The following ATP2A1 variants were observed in gnomAD, a reference collection of about 807,000 sequenced individuals.
ATP2A1 encodes the protein ATPase sarcoplasmic/endoplasmic reticulum Ca2+ transporting 1.
ATP2A1 carries 83 observed loss-of-function variants against 109.5 expected under a neutral mutation model. That is an observed-to-expected ratio of 0.76 (90% CI 0.63 to 0.91). The LOEUF (loss-of-function observed/expected upper bound fraction) is 0.91, where lower values mean the gene tolerates loss of function less well. ATP2A1 is among the 40% of genes least tolerant of loss of function. The probability of loss-of-function intolerance (pLI) is 0.00; values close to 1 mark genes in which losing one functional copy is unlikely to be tolerated. For missense variants in ATP2A1, 1,101 were observed against 1,341.0 expected, an observed-to-expected ratio of 0.82 and a Z score of 2.80; for synonymous variants, 505 against 537.6, an observed-to-expected ratio of 0.94 and a Z score of 0.84.
At chr16:28,892,748 C>T (rs944871428) in intron 9 of ATP2A1, 3 of 152,372 alleles carry the variant, frequency 2.0e-5, no homozygotes, top group African/African-American at 7.2e-5. Flanking sequence ...TGACTTGGCT[C>T]CTGTCATGTT....
Position 28,879,264 on chromosome 16 carries a change from C to T in ATP2A1, c.136+148C>T, listed in dbSNP as rs984833362. 6 of 1,112,192 alleles carry T rather than the reference C, an allele frequency of 5.4e-6. No individual in the cohort carries two copies. In the Admixed American group the frequency reaches 5.5e-5, roughly 10 times the overall value. 68.9% of individuals were successfully genotyped at this position (1,112,192 alleles called of 1,614,324 possible). A position where few individuals can be genotyped will look rare whatever the true frequency, so the allele number is the denominator to read the frequency against. On this transcript the variant is annotated intron_variant, in intron 2 of 22. Coordinates refer to ENST00000395503, the MANE Select transcript of ATP2A1 (RefSeq NM_004320.6). ...CCTCCCTAAAGGTTAGAGTCCTGTC[C>T]GGGGCAGAAGTCTCCCAGGCGCTTT...
chr16:28,879,989 C>T (rs993434339), intron 3 of ATP2A1: 1 of 1,018,730 alleles, frequency 9.8e-7, no homozygotes. Context: ...GCGCCCCTGC[C>T]CCGCCCTCCC....
At chr16:28,889,728 G>C (rs1012424367) in intron 9 of ATP2A1, among the ~76,000 whole-genome samples, 6 of 152,192 alleles carry the variant, frequency 3.9e-5, no homozygotes, top group Non-Finnish European at 7.3e-5. Flanking sequence ...GACAGGGCCC[G>C]GCCAGACTGC....
intron 15 of ATP2A1, 143 bp from the exon 16 acceptor site, chr16:28,901,720 G>T: frequency 1.3e-6 from 1 of 749,950 alleles, no homozygotes; most frequent in Non-Finnish European, 2.2e-6. Flanking sequence ...ACTTTGGGAG[G>T]CTGAGGCAGG....
In ATP2A1 at chr16:28,903,713, C is replaced by T. The variant is rs1457063166; in HGVS notation, c.*9C>T. On this transcript the variant is annotated 3_prime_UTR_variant, in exon 22 of 23. Transcript: ENST00000395503. The surrounding 1 kb of genome is among the most constrained non-coding windows in gnomAD (Gnocchi z 5.6). Reference sequence around the variant, plus strand: ...CTCTGGCCATAGGATAACTGTTCCCCCTCCTCCATCTCTGAGCCCGTGTCA... The same window carrying T: ...CTCTGGCCATAGGATAACTGTTCCCTCTCCTCCATCTCTGAGCCCGTGTCA... The T allele has an allele frequency of 2.0e-5, 32 of 1,606,960 alleles. No homozygotes were observed. The highest frequency in any genetic ancestry group is 2.7e-5 in the Non-Finnish European group (32 of 1,179,156).
intron 2 of ATP2A1, 144 bp downstream of exon 2, chr16:28,879,260 T>C (rs1319625713): frequency 8.8e-7 from 1 of 1,135,934 alleles, no homozygotes; most frequent in Non-Finnish European, 1.3e-6. Context: ...GTTAGAGTCC[T>C]GTCCGGGGCA....
intron 22 of ATP2A1, 66 bp from the exon 23 acceptor site, chr16:28,904,114 A>G (rs375412763): frequency 9.8e-6 from 14 of 1,431,180 alleles, no homozygotes; most frequent in Middle Eastern, 1.8e-4. Flanking sequence ...TGCCTGGGAG[A>G]TGCACCTGGG....
At chr16:28,889,793 C>T (rs1424669045) in intron 9 of ATP2A1, among the ~76,000 whole-genome samples, 1 of 152,142 alleles carries the variant, frequency 6.6e-6, no homozygotes, top group Non-Finnish European at 1.5e-5. Context: ...CTTTTCTGTG[C>T]CTCACACCCC....
rs754917392 is a variant in ATP2A1 at position 28,898,059 on chromosome 16, C to T, written c.1479C>T (p.Ser493=). The T allele has an allele frequency of 1.9e-6, 3 of 1,614,110 alleles. No homozygotes were observed. Among genetic ancestry groups the T allele is most frequent in the Non-Finnish European group, 1.7e-6 (2 of 1,179,960 alleles). ...FTLEFSRDRK[S]MSVYCSPAKS... ...TGGAGTTCTCCCGAGACAGAAAGTC[C>T]ATGTCTGTCTATTGCTCCCCAGCCA... The change falls in exon 13 of 23, where the codon TCC becomes TCT. Residue 493 remains serine (S), a synonymous_variant. Coordinates refer to ENST00000395503, the MANE Select transcript of ATP2A1 (RefSeq NM_004320.6). The surrounding 1 kb of genome is among the most constrained non-coding windows in gnomAD (Gnocchi z 4.0).
At chr16:28,885,249 CA>C (rs560935121) in intron 6 of ATP2A1, among the ~76,000 whole-genome samples, 43,284 of 122,252 alleles carry the variant, frequency 0.35, 6,779 homozygotes, top group Admixed American at 0.44. Context: ...GACCCCATCT[CA>C]AAAAAAAAAA....
intron 8 of ATP2A1, 148 bp downstream of exon 8, chr16:28,887,870 G>A (rs763555986): frequency 6.2e-5 from 66 of 1,067,996 alleles, no homozygotes; most frequent in South Asian, 8.5e-5. Context: ...GCGTGATCTC[G>A]GCTCACTGCA....
intron 14 of ATP2A1, among the ~76,000 whole-genome samples, chr16:28,899,892 G>A (rs1229703521): frequency 6.6e-6 from 1 of 151,528 alleles, no homozygotes; most frequent in African/African-American, 2.4e-5. Context: ...TTGGGAGGTG[G>A]AGGTTGCAGT....
intron 14 of ATP2A1, among the ~76,000 whole-genome samples, chr16:28,899,513 C>A (rs544562785): frequency 5.9e-5 from 9 of 151,842 alleles, no homozygotes; most frequent in Admixed American, 3.3e-4. Flanking sequence ...GTGGTGGGCA[C>A]CTGTAATCCC....
Position 28,904,426 on chromosome 16 carries a change from T to C in ATP2A1, c.*284T>C, listed in dbSNP as rs1158454647. ...GCAGGGACAAGGCGACCGACTGCGCTGAGCTGCTTATTTATTGAAAATAAA... is the reference window on the plus strand; with the variant it reads ...GCAGGGACAAGGCGACCGACTGCGCCGAGCTGCTTATTTATTGAAAATAAA... On this transcript the variant is annotated 3_prime_UTR_variant, in exon 23 of 23. Coordinates refer to ENST00000395503, the MANE Select transcript of ATP2A1 (RefSeq NM_004320.6). 9.1e-6 allele frequency: 14 copies of C among 1,532,386 alleles called. No individual in the cohort carries two copies. The highest frequency in any genetic ancestry group is 2.4e-5 in the East Asian group (1 of 40,826). 94.9% of individuals were successfully genotyped at this position (1,532,386 alleles called of 1,614,324 possible). A position where few individuals can be genotyped will look rare whatever the true frequency, so the allele number is the denominator to read the frequency against.
rs569096613 is a variant in ATP2A1, at chr16:28,903,938, G to A, written c.*37+197G>A. 392 of 736,218 alleles carry A rather than the reference G, an allele frequency of 5.3e-4. 2 individuals carry two copies. In the African/African-American group the frequency reaches 5.8e-3, roughly 11 times the overall value. 45.6% of individuals were successfully genotyped at this position (736,218 alleles called of 1,614,324 possible). On this transcript the variant is annotated intron_variant, in intron 22 of 22. Coordinates refer to ENST00000395503, the MANE Select transcript of ATP2A1 (RefSeq NM_004320.6). The surrounding 1 kb of genome is among the most constrained non-coding windows in gnomAD (Gnocchi z 5.6). ...CGTCAGTTTGGCTCCCAGGCCCTGG[G>A]CAGTGCCAGCCTCTGGGCCCGTCTG...
chr16:28,900,700 C>CA lies in ATP2A1; in HGVS notation c.1886dup (p.Thr631HisfsTer35). 1.2e-6 allele frequency: 2 copies of CA among 1,614,068 alleles called. No individual in the cohort carries two copies. The highest frequency in any genetic ancestry group is 1.7e-6 in the Non-Finnish European group (2 of 1,179,936). On this transcript the variant is annotated frameshift_variant, in exon 15 of 23. Transcript: ENST00000395503. LOFTEE classifies it high-confidence loss of function. The stretch of plus-strand genomic sequence containing the variant: ...GGGTGATCATGATCACTGGGGACAA[C>CA]AAGGGCACAGCCATTGCCATCTGCC...
At chr16:28,892,939 G>A (rs151101776) in intron 9 of ATP2A1, among the ~76,000 whole-genome samples, 1 of 152,180 alleles carries the variant, frequency 6.6e-6, no homozygotes, top group African/African-American at 2.4e-5. Context: ...AGCTACTCTG[G>A]AGGCTGAGGC....
chr16:28,888,596 A>C (rs939266621), intron 8 of ATP2A1, among the ~76,000 whole-genome samples, 191 bp from the exon 9 acceptor site: 1 of 149,040 alleles, frequency 6.7e-6, no homozygotes. Context: ...TTTTCAGAGG[A>C]GTCTCACTGT....
chr16:28,903,635 C>G lies in ATP2A1; in HGVS notation c.2981-65C>G. 1 of 1,339,970 alleles carries G rather than the reference C, an allele frequency of 7.5e-7. No individual in the cohort carries two copies. Among genetic ancestry groups the G allele is most frequent in the Non-Finnish European group, 1.1e-6 (1 of 929,568 alleles). 83.0% of individuals were successfully genotyped at this position (1,339,970 alleles called of 1,614,324 possible). On this transcript the variant is annotated intron_variant, in intron 21 of 22. Transcript: ENST00000395503. This position sits in a 1 kb window ranked among gnomAD's most constrained non-coding sequence, Gnocchi z 5.6. ...CCCACTGCCTCCTCAGCCCCCACAG[C>G]CCCTATAGCCCCCATGCCACCTCCC...
Sources: gnomAD v4.1 joint callset for allele counts (sites outside exome capture counted in the v4.1 genomes callset) on GRCh38, gnomAD v4.1.1 for gene constraint, Gnocchi (gnomAD v3.1) non-coding constraint, MANE v1.5 for transcripts, NCBI Gene and HGNC (gene_info 2026-07-23, HGNC 2026-07-21) for gene names.